The following CSPP1 variants were observed in gnomAD, a reference collection of about 807,000 sequenced individuals.
The protein encoded by CSPP1 is centrosome and spindle pole associated protein 1.
CSPP1 carries 126 observed loss-of-function variants against 164.4 expected under a neutral mutation model. The ratio of observed to expected loss-of-function variants is 0.77; its 90% CI spans 0.66 to 0.89. The LOEUF (loss-of-function observed/expected upper bound fraction) is 0.89. Ranked by LOEUF, CSPP1 falls within the 40% of genes least tolerant of loss-of-function variation. The probability of loss-of-function intolerance (pLI) is 0.00; values close to 1 mark genes in which losing one functional copy is unlikely to be tolerated. For missense variants in CSPP1, 1,395 were observed against 1,449.8 expected, an observed-to-expected ratio of 0.96 and a Z score of 0.61; for synonymous variants, 472 against 476.7, an observed-to-expected ratio of 0.99 and a Z score of 0.13.
intron 18 of CSPP1, among the ~76,000 whole-genome samples, chr8:67,152,833 C>G (rs1825956911): frequency 6.6e-6 from 1 of 152,188 alleles, no homozygotes; most frequent in South Asian, 2.1e-4. Context: ...AATTTAAATA[C>G]AAAAGCAAAA....
At position 67,196,342 on chromosome 8, in the gene CSPP1, C is replaced by G. The variant is rs922387452; in HGVS notation, c.*749C>G. The G allele has an allele frequency of 6.6e-6, 1 of 152,182 alleles. No individual in the cohort carries two copies. Among genetic ancestry groups the G allele is most frequent in the Non-Finnish European group, 1.5e-5 (1 of 68,048 alleles). 9.4% of individuals were successfully genotyped at this position (152,182 alleles called of 1,614,324 possible). A position where few individuals can be genotyped will look rare whatever the true frequency, so the allele number is the denominator to read the frequency against. ...GGTGGGGACACCCGGGAGTCAAGGACAGAGAGACTGGAGTCTTCTTCTTCC... is the reference window on the plus strand; with the variant it reads ...GGTGGGGACACCCGGGAGTCAAGGAGAGAGAGACTGGAGTCTTCTTCTTCC... On this transcript the variant is annotated 3_prime_UTR_variant, in exon 31 of 31. Transcript: ENST00000678616.
chr8:67,170,500 T>C (rs942741671), intron 24 of CSPP1, among the ~76,000 whole-genome samples: 2 of 152,006 alleles, frequency 1.3e-5, no homozygotes, highest in Admixed American at 1.3e-4. Flanking sequence ...CGTAAGACTA[T>C]AAGGGGTAGA....
At chr8:67,183,355 AG>A (rs918279846) in intron 28 of CSPP1, among the ~76,000 whole-genome samples, 1 of 152,232 alleles carries the variant, frequency 6.6e-6, no homozygotes, top group Non-Finnish European at 1.5e-5. Context: ...TATTCTTCTC[AG>A]GGTCACATGG....
At chr8:67,140,975 T>C (rs1279385237) in intron 17 of CSPP1, among the ~76,000 whole-genome samples, 1 of 152,200 alleles carries the variant, frequency 6.6e-6, no homozygotes, top group African/African-American at 2.4e-5. Context: ...AGTTTAACTT[T>C]CTTTATGCTC....
chr8:67,089,180 TAAAAC>T (rs1040969249), intron 4 of CSPP1, among the ~76,000 whole-genome samples: 2 of 152,168 alleles, frequency 1.3e-5, no homozygotes, highest in African/African-American at 4.8e-5. Flanking sequence ...GAAGAGTTAT[TAAAAC>T]AAACAACTAC....
intron 3 of CSPP1, among the ~76,000 whole-genome samples, chr8:67,083,152 T>C (rs1187669283): frequency 6.6e-6 from 1 of 152,184 alleles, no homozygotes; most frequent in Non-Finnish European, 1.5e-5. Flanking sequence ...GAAGGCATTA[T>C]ATATTGTTAC....
rs191584208 is a variant in CSPP1, at chr8:67,089,650, T to C, written c.304-2153T>C. ...AATGTATGCTTTTGGAGGACAGGAA[T>C]CTTTATCTGTTTTTTTCAGTCCCAA... On this transcript the variant is annotated intron_variant, in intron 4 of 30. Transcript: ENST00000678616. Among the ~76,000 whole-genome samples, 14 of 152,280 alleles carry C rather than the reference T, an allele frequency of 9.2e-5. No individual in the cohort carries two copies. The East Asian group carries it at 2.7e-3, about 29-fold the overall frequency.
chr8:67,157,353 T>A (rs574816454), intron 19 of CSPP1, among the ~76,000 whole-genome samples: 1 of 151,952 alleles, frequency 6.6e-6, no homozygotes, highest in African/African-American at 2.4e-5. Flanking sequence ...TGGAGTGCAG[T>A]GGTGCAATCT....
chr8:67,150,647 C>T (rs1406273388), intron 18 of CSPP1, among the ~76,000 whole-genome samples: 5 of 152,118 alleles, frequency 3.3e-5, no homozygotes, highest in East Asian at 1.9e-4. Flanking sequence ...GTGATCCATC[C>T]GCCTCCACCT....
intron 24 of CSPP1, among the ~76,000 whole-genome samples, chr8:67,165,499 T>C (rs1480049169): frequency 1.3e-5 from 2 of 152,196 alleles, no homozygotes; most frequent in Non-Finnish European, 2.9e-5. Flanking sequence ...ATGTACCACA[T>C]TGCATTTAGT....
chr8:67,117,835 C>G (rs745428273), intron 13 of CSPP1, among the ~76,000 whole-genome samples: 62 of 152,156 alleles, frequency 4.1e-4, no homozygotes, highest in Non-Finnish European at 2.6e-4. Flanking sequence ...GTACCTATAG[C>G]AATCTGCATT....
rs534874592 is a variant in CSPP1, at chr8:67,070,649, C to T, written c.-10-3594C>T. On this transcript the variant is annotated intron_variant, in intron 1 of 30. Coordinates refer to ENST00000678616, the MANE Select transcript of CSPP1 (RefSeq NM_001382391.1). ...GACCTCATCTCTAAAAAACAAAAAA[C>T]AACAAAAGAAATTGGCCAGAATTTA... Among the ~76,000 whole-genome samples the T allele has an allele frequency of 4.0e-5, 6 of 151,260 alleles. 1 individual carries two copies. Among genetic ancestry groups the T allele is most frequent in the Non-Finnish European group, 5.9e-5 (4 of 67,830 alleles).
rs761009916 is a variant in CSPP1, at chr8:67,149,863, G to C, written c.2056G>C (p.Val686Leu). 1.1e-5 allele frequency: 18 copies of C among 1,607,364 alleles called. No individual in the cohort carries two copies. The highest frequency in any genetic ancestry group is 1.4e-5 in the Non-Finnish European group (16 of 1,177,414). Residue 686 changes from valine (V) to leucine (L), a missense_variant, in exon 18 of 31, where the codon GTT (valine) becomes CTT (leucine). By Grantham distance (32) the Val-to-Leu change is conservative (BLOSUM62 1). Coordinates refer to ENST00000678616, the MANE Select transcript of CSPP1 (RefSeq NM_001382391.1). The part of the protein sequence containing the change: ...DARTYEDKRA[V>L]VSLDPNLATS... ...AAGAACATATGAAGATAAAAGGGCT[G>C]TTGTATCTCTAGACCCAAATTTAGC...
chr8:67,190,515 CTG>C, intron 28 of CSPP1, 133 bp from the exon 29 acceptor site: 1 of 640,012 alleles, frequency 1.6e-6, no homozygotes, highest in Non-Finnish European at 2.8e-6. Flanking sequence ...AATCACCGAA[CTG>C]TGTATGTACA....
rs1350571460 is a variant in CSPP1, at chr8:67,158,464, AAG to A, written c.2264_2265del (p.Glu755GlyfsTer30). 2 of 1,603,110 alleles carry A rather than the reference AAG, an allele frequency of 1.2e-6. No homozygotes were observed. Among genetic ancestry groups the A allele is most frequent in the South Asian group, 1.1e-5 (1 of 88,186 alleles). ...LRFQIEEKKQ[R>X]EEAERERLRI... is the part of the protein sequence containing the mutation. Reference sequence around the variant, plus strand: ...TTCTTTAGATTGAGGAAAAGAAACAAAGAGAGGAAGCAGAGCGAGAGAGACTG... The same window carrying A: ...TTCTTTAGATTGAGGAAAAGAAACAAAGAGGAAGCAGAGCGAGAGAGACTG... On this transcript the variant is annotated frameshift_variant, in exon 20 of 31. Transcript: ENST00000678616. LOFTEE classifies it high-confidence loss of function.
intron 24 of CSPP1, among the ~76,000 whole-genome samples, chr8:67,171,198 A>C (rs1033338768): frequency 1.3e-5 from 2 of 150,778 alleles, no homozygotes; most frequent in African/African-American, 4.9e-5. Context: ...CAAGAGATAG[A>C]GACCGTCCTG....
intron 28 of CSPP1, among the ~76,000 whole-genome samples, chr8:67,184,672 T>C (rs1162502044): frequency 6.6e-6 from 1 of 151,434 alleles, no homozygotes; most frequent in African/African-American, 2.4e-5. Context: ...TACAGTGAGC[T>C]GAAATCGTGC....
intron 12 of CSPP1, among the ~76,000 whole-genome samples, chr8:67,115,454 C>T (rs1004694118): frequency 3.9e-5 from 6 of 152,042 alleles, no homozygotes; most frequent in African/African-American, 7.2e-5. Context: ...CCGAGGTGGT[C>T]GGATCACTTG....
intron 5 of CSPP1, 61 bp from the exon 6 acceptor site, chr8:67,093,482 T>G: frequency 1.0e-6 from 1 of 995,964 alleles, no homozygotes; most frequent in Non-Finnish European, 1.6e-6. Flanking sequence ...TGATAGGACA[T>G]TGAGGGATTT....
Sources: allele counts gnomAD v4.1 joint callset (sites outside exome capture counted in the v4.1 genomes callset), GRCh38; gene constraint gnomAD v4.1.1; transcripts MANE v1.5; gene names NCBI Gene and HGNC (gene_info 2026-07-23, HGNC 2026-07-21).